Variants in TRIM28 observed in about 807,000 individuals in gnomAD.
The protein encoded by TRIM28 is transcription intermediary factor 1-beta.
A neutral mutation model predicts 87.4 loss-of-function variants in TRIM28; 8 were observed. The observed-to-expected ratio is 0.09, with a 90% CI of 0.05 to 0.17. The LOEUF (loss-of-function observed/expected upper bound fraction) is 0.17, where lower values mean the gene tolerates loss of function less well. TRIM28 is among the 10% of genes least tolerant of loss of function. The probability of loss-of-function intolerance (pLI) is 1.00; values close to 1 mark genes in which losing one functional copy is unlikely to be tolerated. For missense variants in TRIM28, 968 were observed against 1,131.8 expected (o/e 0.86, Z 2.08); for synonymous variants, 601 against 454.3 (o/e 1.32, Z -4.11).
chr19:58,549,703 G>T lies in TRIM28; in HGVS notation c.1983-34G>T. 6.3e-7 allele frequency: 1 copy of T among 1,599,422 alleles called. No individual in the cohort carries two copies. The highest frequency in any genetic ancestry group is 8.5e-7 in the Non-Finnish European group (1 of 1,169,770). On this transcript the variant is annotated intron_variant, in intron 13 of 16. Transcript: ENST00000253024. The surrounding 1 kb of genome is among the most constrained non-coding windows in gnomAD (Gnocchi z 4.4). Reference sequence around the variant, plus strand: ...TCTGGGTGTTGGGCTGTCTGGACAGGATCATGTGCAGACCCTTATTTTCTT... The same window carrying T: ...TCTGGGTGTTGGGCTGTCTGGACAGTATCATGTGCAGACCCTTATTTTCTT...
At chr19:58,547,331 G>A (rs771115114) in intron 3 of TRIM28, 45 bp from the exon 4 acceptor site, 2 of 1,600,062 alleles carry the variant, frequency 1.2e-6, no homozygotes, top group Non-Finnish European at 1.7e-6. Flanking sequence ...CCTGAGTTGG[G>A]GGTGGTGAAG....
At position 58,549,188 on chromosome 19, in the gene TRIM28, C is replaced by T. The variant is rs138616389; in HGVS notation, c.1610C>T (p.Ala537Val). ...GCAGCTACCGGCCAGCCAGGGACTG[C>T]GCCTGCAGGAACCCCTGGTGCCCCA... ...AAAATGQPGT[A>V]PAGTPGAPPL... The change falls in exon 12 of 17, where the codon GCG (alanine) becomes GTG (valine). Residue 537 changes from alanine to valine, a missense_variant. By Grantham distance (64) the Ala-to-Val change is moderately conservative (BLOSUM62 0). Around this residue, in one of 11 missense-constraint regions of TRIM28, gnomAD observed 164 missense variants for 146.2 expected, o/e 1.12. Transcript: ENST00000253024. This position sits in a 1 kb window ranked among gnomAD's most constrained non-coding sequence, Gnocchi z 4.4. 7.7e-5 allele frequency: 124 copies of T among 1,613,896 alleles called. No homozygotes were observed. Among genetic ancestry groups the T allele is most frequent in the African/African-American group, 5.7e-4 (43 of 75,054 alleles).
chr19:58,545,685 C>T lies in TRIM28; in HGVS notation c.454-79C>T, dbSNP rs373552840. On this transcript the variant is annotated intron_variant, in intron 2 of 16. Transcript: ENST00000253024. ...TTGGGTCAAGGGACCAATCTTAAATCTCCGGTTGTATTTTCTGGGATGTAA... is the reference window on the plus strand; with the variant it reads ...TTGGGTCAAGGGACCAATCTTAAATTTCCGGTTGTATTTTCTGGGATGTAA... The T allele has an allele frequency of 7.6e-5, 119 of 1,565,198 alleles. No homozygotes were observed. The African/African-American group carries it at 1.0e-3, about 13-fold the overall frequency.
In TRIM28 at chr19:58,548,469, C is replaced by G. The variant is rs200892690; in HGVS notation, c.1217-17C>G. 1.2e-5 allele frequency: 19 copies of G among 1,613,938 alleles called. No homozygotes were observed. Among genetic ancestry groups the G allele is most frequent in the Non-Finnish European group, 1.5e-5 (18 of 1,180,010 alleles). On this transcript the variant is annotated splice_polypyrimidine_tract_variant and intron_variant, in intron 8 of 16. Coordinates refer to ENST00000253024, the MANE Select transcript of TRIM28 (RefSeq NM_005762.3). ...CCACGTGCTGCACCTACTTACGTTTCTCTCTTCTTTTTGCAGGCAAGATTG... is the reference window on the plus strand; with the variant it reads ...CCACGTGCTGCACCTACTTACGTTTGTCTCTTCTTTTTGCAGGCAAGATTG...
In TRIM28 at chr19:58,549,217, C is replaced by G. The variant is rs371947385; in HGVS notation, c.1639C>G (p.Leu547Val). 3.7e-6 allele frequency: 6 copies of G among 1,613,714 alleles called. No individual in the cohort carries two copies. The highest frequency in any genetic ancestry group is 3.3e-5 in the Admixed American group (2 of 60,010). ...TGCAGGAACCCCTGGTGCCCCACCC[C>G]TGGCTGGCATGGCCATTGTCAAGGT... The part of the protein sequence containing the change: ...APAGTPGAPP[L>V]AGMAIVKEEE... Residue 547 changes from leucine (L) to valine (V), a missense_variant, in exon 12 of 17, where the codon CTG (leucine) becomes GTG (valine). Physicochemically the swap from Leu to Val is conservative, Grantham distance 32. Coordinates refer to ENST00000253024, the MANE Select transcript of TRIM28 (RefSeq NM_005762.3). This position sits in a 1 kb window ranked among gnomAD's most constrained non-coding sequence, Gnocchi z 4.4.
In TRIM28 at chr19:58,544,165, TGTGTGGTCTGGA is replaced by T. The variant is rs2053736144; in HGVS notation, c.-591_-580del. On this transcript the variant is annotated 5_prime_UTR_variant, in exon 1 of 17. Transcript: ENST00000253024. Reference sequence around the variant, plus strand: ...GCTTGGGCGCACAGCGGCCCGCTTCTGTGTGGTCTGGAGGTGGAGCTGAGAGGGGAATCACAC... The same window carrying T: ...GCTTGGGCGCACAGCGGCCCGCTTCTGGTGGAGCTGAGAGGGGAATCACAC... 1 of 152,406 alleles carries T rather than the reference TGTGTGGTCTGGA, an allele frequency of 6.6e-6. No homozygotes were observed. The highest frequency in any genetic ancestry group is 2.1e-4 in the South Asian group (1 of 4,850). The allele number at this position is 152,406 out of a possible 1,614,324, so 9.4% of individuals were successfully genotyped here.
intron 2 of TRIM28, 85 bp downstream of exon 2, chr19:58,545,622 T>TA (rs1330171055): frequency 4.0e-6 from 6 of 1,482,480 alleles, no homozygotes; most frequent in South Asian, 3.6e-5. Flanking sequence ...TCCAGGCTGT[T>TA]ACTCCACTTT....
At chr19:58,547,261 C>T in intron 3 of TRIM28, 115 bp from the exon 4 acceptor site, 1 of 1,376,092 alleles carries the variant, frequency 7.3e-7, no homozygotes. Flanking sequence ...CTACATCTTC[C>T]CAATAAATGG....
intron 2 of TRIM28, 105 bp from the exon 3 acceptor site, chr19:58,545,659 G>C: frequency 1.9e-6 from 3 of 1,541,574 alleles, no homozygotes; most frequent in Non-Finnish European, 2.7e-6. Context: ...GGCTGCCTAG[G>C]TTGGGTCAAG....
intron 9 of TRIM28, 55 bp from the exon 10 acceptor site, chr19:58,548,685 G>A (rs932456055): frequency 1.7e-5 from 27 of 1,609,606 alleles, no homozygotes; most frequent in Non-Finnish European, 2.2e-5. Context: ...GGCAGGGAAT[G>A]GGGTCCAGTA....
At position 58,549,726 on chromosome 19, in the gene TRIM28, C is replaced by A; in HGVS notation, c.1983-11C>A. The A allele has an allele frequency of 6.2e-7, 1 of 1,601,440 alleles. No individual in the cohort carries two copies. The highest frequency in any genetic ancestry group is 1.1e-5 in the South Asian group (1 of 89,790). On this transcript the variant is annotated splice_polypyrimidine_tract_variant and intron_variant, in intron 13 of 16. Coordinates refer to ENST00000253024, the MANE Select transcript of TRIM28 (RefSeq NM_005762.3). This position sits in a 1 kb window ranked among gnomAD's most constrained non-coding sequence, Gnocchi z 4.4. ...AGGATCATGTGCAGACCCTTATTTT[C>A]TTCACCCTAGGGAGGAGTGGAGCTG...
rs1320975988 is a variant in TRIM28, at chr19:58,550,453, C to A, written c.2408C>A (p.Thr803Asn). ...ETRMNEAFGD[T>N]KFSAVLVEPP... ...CGCATGAACGAGGCCTTCGGTGACA[C>A]CAAGTTCTCTGCTGTGCTGGTGGAG... is the stretch of plus-strand genomic sequence containing the variant. Residue 803 changes from threonine (T) to asparagine (N), a missense_variant, in exon 17 of 17, where the codon ACC becomes AAC. This residue lies in a region of TRIM28 where 192 missense variants were observed against 225.6 expected (regional missense o/e 0.85). Coordinates refer to ENST00000253024, the MANE Select transcript of TRIM28 (RefSeq NM_005762.3). The A allele has an allele frequency of 7.4e-6, 12 of 1,613,006 alleles. No homozygotes were observed. Among genetic ancestry groups the A allele is most frequent in the Non-Finnish European group, 1.0e-5 (12 of 1,180,016 alleles).
In TRIM28 at chr19:58,548,112, A is replaced by G. The variant is rs761170674; in HGVS notation, c.1033A>G (p.Ile345Val). Residue 345 changes from isoleucine (I) to valine (V), a missense_variant, in exon 7 of 17, where the codon ATT becomes GTT. By Grantham distance (29) the Ile-to-Val change is conservative. Transcript: ENST00000253024. Reference sequence around the variant, plus strand: ...CAAGATCCAGAAGCACCAGGAGCACATTCTGCGCTTTGCCTCTTGGGCTCT... The same window carrying G: ...CAAGATCCAGAAGCACCAGGAGCACGTTCTGCGCTTTGCCTCTTGGGCTCT... ...MTKIQKHQEH[I>V]LRFASWALES... The G allele has an allele frequency of 3.7e-6, 6 of 1,614,110 alleles. No homozygotes were observed. Among genetic ancestry groups the G allele is most frequent in the Non-Finnish European group, 5.1e-6 (6 of 1,180,046 alleles).
rs1027782789 is a variant in TRIM28, at chr19:58,544,677, A to C, written c.-81A>C. The C allele has an allele frequency of 9.2e-6, 5 of 543,042 alleles. No homozygotes were observed. The highest frequency in any genetic ancestry group is 1.2e-5 in the Non-Finnish European group (5 of 427,578). The allele number at this position is 543,042 out of a possible 1,614,324, so 33.6% of individuals were successfully genotyped here. Reference sequence around the variant, plus strand: ...GCGGCGGCGGCGGCAGCGGCCCAGCAGTTGGCGGCGAGCGCGTCTGCGCCT... The same window carrying C: ...GCGGCGGCGGCGGCAGCGGCCCAGCCGTTGGCGGCGAGCGCGTCTGCGCCT... On this transcript the variant is annotated 5_prime_UTR_variant, in exon 1 of 17. Transcript: ENST00000253024.
rs2122629773 is a variant in TRIM28, at chr19:58,548,380, T to C, written c.1188T>C (p.Asn396=). 2 of 1,614,186 alleles carry C rather than the reference T, an allele frequency of 1.2e-6. No homozygotes were observed. The highest frequency in any genetic ancestry group is 1.7e-6 in the Non-Finnish European group (2 of 1,180,020). The part of the protein sequence containing the change: ...HGEMKFQWDL[N]AWTKSAEAFG... ...AGATGAAGTTTCAGTGGGACCTCAA[T>C]GCCTGGACCAAGAGTGCCGAGGCCT... Residue 396 remains asparagine (N), a synonymous_variant, in exon 8 of 17, where the codon AAT becomes AAC. Coordinates refer to ENST00000253024, the MANE Select transcript of TRIM28 (RefSeq NM_005762.3).
chr19:58,545,953 C>T (rs1198569649), intron 3 of TRIM28, 57 bp downstream of exon 3: 46 of 1,545,592 alleles, frequency 3.0e-5, no homozygotes, highest in Admixed American at 9.0e-5. Context: ...CCCTCAGTTG[C>T]TTTTATGATG....
rs754388149 is a variant in TRIM28, at chr19:58,549,185, C to T, written c.1607C>T (p.Thr536Ile). The change falls in exon 12 of 17, where the codon ACT (threonine) becomes ATT (isoleucine). Residue 536 changes from threonine (T) to isoleucine (I), a missense_variant. Physicochemically the swap from Thr to Ile is moderately conservative, Grantham distance 89 (BLOSUM62 -1). Transcript: ENST00000253024. This position sits in a 1 kb window ranked among gnomAD's most constrained non-coding sequence, Gnocchi z 4.4. ...AAAAATGQPGTAPAGTPGAPP... is the reference protein window; with the variant it reads ...AAAAATGQPGIAPAGTPGAPP... ...GCTGCAGCTACCGGCCAGCCAGGGA[C>T]TGCGCCTGCAGGAACCCCTGGTGCC... 5 of 1,613,934 alleles carry T rather than the reference C, an allele frequency of 3.1e-6. No individual in the cohort carries two copies. The highest frequency in any genetic ancestry group is 1.1e-5 in the South Asian group (1 of 91,088).
chr19:58,547,329 G>A (rs773620565), intron 3 of TRIM28, 47 bp from the exon 4 acceptor site: 7 of 1,599,080 alleles, frequency 4.4e-6, no homozygotes, highest in Non-Finnish European at 6.0e-6. Flanking sequence ...TTCCTGAGTT[G>A]GGGGTGGTGA....
rs1568660532 is a variant in TRIM28, at chr19:58,547,430, A to G, written c.641A>G (p.His214Arg). Residue 214 changes from histidine (H) to arginine (R), a missense_variant, in exon 4 of 17, where the codon CAT (histidine) becomes CGT (arginine). Around this residue, in one of 11 missense-constraint regions of TRIM28, gnomAD observed 103 missense variants for 139.0 expected, o/e 0.74. Coordinates refer to ENST00000253024, the MANE Select transcript of TRIM28 (RefSeq NM_005762.3). Reference sequence around the variant, plus strand: ...ACTGTCTATTGCAACGTACACAAGCATGAACCCCTTGTGCTGTTTTGTGAG... The same window carrying G: ...ACTGTCTATTGCAACGTACACAAGCGTGAACCCCTTGTGCTGTTTTGTGAG... Reference protein sequence around the residue: ...ERTVYCNVHKHEPLVLFCESC... With the variant: ...ERTVYCNVHKREPLVLFCESC... The G allele has an allele frequency of 6.2e-7, 1 of 1,614,054 alleles. No individual in the cohort carries two copies. The highest frequency in any genetic ancestry group is 8.5e-7 in the Non-Finnish European group (1 of 1,179,996).
Sources: allele counts gnomAD v4.1 joint callset, GRCh38; gene constraint gnomAD v4.1.1; regional missense constraint gnomAD v4.1.1; non-coding constraint Gnocchi (gnomAD v3.1); transcripts MANE v1.5; gene names NCBI Gene and HGNC (gene_info 2026-07-23, HGNC 2026-07-21).